KIF27: variants seen among roughly 807,000 people sequenced by gnomAD.
The protein encoded by KIF27 is kinesin family member 27.
KIF27 carries 84 observed loss-of-function variants against 141.8 expected under a neutral mutation model. The observed-to-expected ratio is 0.59, with a 90% confidence interval of 0.50 to 0.71. KIF27 has a LOEUF of 0.71. Ranked by LOEUF, KIF27 falls within the 30% of genes least tolerant of loss-of-function variation. KIF27 has a pLI of 0.00. For missense variants in KIF27, 1,306 were observed against 1,628.4 expected (o/e 0.80, Z 3.41); for synonymous variants, 471 against 569.5 (o/e 0.83, Z 2.46).
chr9:83,916,955 G>A (rs1433510836), intron 1 of KIF27, among the ~76,000 whole-genome samples: 3 of 151,890 alleles, frequency 2.0e-5, no homozygotes, highest in African/African-American at 4.8e-5. Context: ...GAGCCACCGC[G>A]CACGACAGAA....
At chr9:83,909,251 G>C (rs1954894289) in intron 2 of KIF27, among the ~76,000 whole-genome samples, 1 of 152,200 alleles carries the variant, frequency 6.6e-6, no homozygotes, top group Non-Finnish European at 1.5e-5. Context: ...TACCAGCCGA[G>C]AGATGCTTGC....
chr9:83,916,100 C>T lies in KIF27; in HGVS notation c.-87-422G>A, dbSNP rs978647040. ...AGGCTGGAACGCAGTGGTGAGATCTCGGCTCTCTGCAACCTCTGCCTACCA... is the reference window on the plus strand; with the variant it reads ...AGGCTGGAACGCAGTGGTGAGATCTTGGCTCTCTGCAACCTCTGCCTACCA... On this transcript the variant is annotated intron_variant, in intron 1 of 17. Transcript: ENST00000297814. Among the ~76,000 whole-genome samples the T allele has an allele frequency of 4.0e-5, 6 of 149,626 alleles. No individual in the cohort carries two copies. In the South Asian group the frequency reaches 1.1e-3, roughly 27 times the overall value.
In KIF27 at chr9:83,853,737, A is replaced by T; in HGVS notation, c.3249T>A (p.Leu1083=). ...GAGAGAGGTTATGGAATGATGCTCT[A>T]AGTGACTTCTGGCGATTCTGGATAC... The part of the protein sequence containing the change: ...NESIQNRQKS[L]RASFHNLSRG... The change falls in exon 15 of 18, where the codon CTT becomes CTA. Residue 1083 remains leucine, a synonymous_variant. Transcript: ENST00000297814. 3.7e-6 allele frequency: 6 copies of T among 1,613,784 alleles called. No individual in the cohort carries two copies. Among genetic ancestry groups the T allele is most frequent in the South Asian group, 3.3e-5 (3 of 91,064 alleles).
intron 13 of KIF27, among the ~76,000 whole-genome samples, chr9:83,861,465 T>G (rs1173330920): frequency 6.6e-6 from 1 of 152,108 alleles, no homozygotes; most frequent in Non-Finnish European, 1.5e-5. Flanking sequence ...TTGCTGAGAA[T>G]GATGGTTTCC....
At chr9:83,854,135 G>A (rs1948923364) in intron 14 of KIF27, among the ~76,000 whole-genome samples, 1 of 152,134 alleles carries the variant, frequency 6.6e-6, no homozygotes, top group Non-Finnish European at 1.5e-5. Flanking sequence ...AATGTTCCAA[G>A]GTTATACAAC....
At chr9:83,883,704 T>C in intron 10 of KIF27, 109 bp downstream of exon 10, 1 of 685,302 alleles carries the variant, frequency 1.5e-6, no homozygotes, top group Admixed American at 2.8e-5. Flanking sequence ...TGATACCCAG[T>C]TTCTCTTGCT....
chr9:83,914,319 TA>T (rs1365396454), intron 2 of KIF27, among the ~76,000 whole-genome samples: 1 of 152,046 alleles, frequency 6.6e-6, no homozygotes, highest in Admixed American at 6.6e-5. Context: ...TGTGATCTCC[TA>T]ATCCTGCAGA....
rs1325267991 is a variant in KIF27, at chr9:83,920,861, G to C, written c.-88+510C>G. Among the ~76,000 whole-genome samples the C allele has an allele frequency of 6.8e-5, 7 of 102,626 alleles. No homozygotes were observed. The East Asian group carries it at 1.8e-3, about 26-fold the overall frequency. 67.3% of individuals were successfully genotyped at this position (102,626 alleles called of 152,430 possible). Reference sequence around the variant, plus strand: ...AATGCGCCCAAGTTTCAACCTCTACGGTGGGAAATGCGCCCAAGTTTCAAC... The same window carrying C: ...AATGCGCCCAAGTTTCAACCTCTACCGTGGGAAATGCGCCCAAGTTTCAAC... On this transcript the variant is annotated intron_variant, in intron 1 of 17. Coordinates refer to ENST00000297814, the MANE Select transcript of KIF27 (RefSeq NM_017576.4).
intron 2 of KIF27, among the ~76,000 whole-genome samples, chr9:83,912,535 G>A (rs143094638): frequency 0.024 from 3,714 of 152,172 alleles, 151 homozygotes; most frequent in African/African-American, 0.086. Context: ...TAATTGACCA[G>A]AAATAGTTCA....
In KIF27 at chr9:83,908,630, C is replaced by A; in HGVS notation, c.321G>T (p.Lys107Asn). ...GHIASVVEGQKGIIPRAIQEI... is the reference protein window; with the variant it reads ...GHIASVVEGQNGIIPRAIQEI... ...CTTGAATAGCTCGAGGAATGATACC[C>A]TTTTGGCCCTCCACAACTGAAGCTG... is the stretch of plus-strand genomic sequence containing the variant. The change falls in exon 3 of 18, where the codon AAG (lysine) becomes AAT (asparagine). Residue 107 changes from lysine to asparagine, a missense_variant. Around this residue, in one of 4 missense-constraint regions of KIF27, gnomAD observed 533 missense variants for 565.6 expected, o/e 0.94. Coordinates refer to ENST00000297814, the MANE Select transcript of KIF27 (RefSeq NM_017576.4). 1 of 1,605,370 alleles carries A rather than the reference C, an allele frequency of 6.2e-7. No homozygotes were observed. Among genetic ancestry groups the A allele is most frequent in the Non-Finnish European group, 8.5e-7 (1 of 1,175,640 alleles).
intron 2 of KIF27, among the ~76,000 whole-genome samples, chr9:83,912,797 C>T (rs1955301127): frequency 6.6e-6 from 1 of 151,968 alleles, no homozygotes; most frequent in Non-Finnish European, 1.5e-5. Flanking sequence ...AAAGGCTATA[C>T]CTTGTAAAGG....
Position 83,837,279 on chromosome 9 carries a change from C to G in KIF27, c.3928G>C (p.Ala1310Pro). The stretch of plus-strand genomic sequence containing the variant: ...CCTAACATATGCCCACTGGGGGGTG[C>G]TAAAGAACTATGAATTGGAGGTAAT... ...PELPPIHSSL[A>P]PPSGHMLGNE... The change falls in exon 18 of 18, where the codon GCA becomes CCA. Residue 1310 changes from alanine (A) to proline (P), a missense_variant. Coordinates refer to ENST00000297814, the MANE Select transcript of KIF27 (RefSeq NM_017576.4). 1 of 1,607,460 alleles carries G rather than the reference C, an allele frequency of 6.2e-7. No homozygotes were observed. Among genetic ancestry groups the G allele is most frequent in the South Asian group, 1.1e-5 (1 of 90,316 alleles).
intron 11 of KIF27, among the ~76,000 whole-genome samples, chr9:83,873,253 T>G: frequency 6.6e-6 from 1 of 152,088 alleles, no homozygotes. Context: ...GGGAGCACAA[T>G]TTCCAGCTGG....
At chr9:83,858,231 T>C (rs1056991393) in intron 14 of KIF27, 3 of 152,224 alleles carry the variant, frequency 2.0e-5, no homozygotes, top group Non-Finnish European at 4.4e-5. Context: ...CAATCAAGGA[T>C]TGATTTGTAA....
chr9:83,840,288 C>T (rs1205723263), intron 17 of KIF27, among the ~76,000 whole-genome samples: 2,601 of 151,248 alleles, frequency 0.017, 99 homozygotes, highest in African/African-American at 0.06. Flanking sequence ...ATTTTTATAG[C>T]CAAAAATAGA....
intron 13 of KIF27, among the ~76,000 whole-genome samples, chr9:83,861,951 G>A (rs1383968633): frequency 2.6e-5 from 4 of 152,150 alleles, no homozygotes; most frequent in African/African-American, 9.7e-5. Context: ...ATTTTTTCAT[G>A]TGTCTGTTGG....
chr9:83,874,812 C>G lies in KIF27; in HGVS notation c.2644-4180G>C, dbSNP rs144068362. ...TGTGAGGTACGCTGGCATGTGCCTG[C>G]AGTCCTAGCTACTTGGGAGGCTGAG... On this transcript the variant is annotated intron_variant, in intron 11 of 17. Transcript: ENST00000297814. Among the ~76,000 whole-genome samples the G allele has an allele frequency of 3.2e-3, 481 of 148,968 alleles. 7 individuals carry two copies. The highest frequency in any genetic ancestry group is 0.027 in the East Asian group (138 of 5,134).
chr9:83,868,667 A>C (rs1251305133), intron 12 of KIF27: 4 of 152,150 alleles, frequency 2.6e-5, no homozygotes, highest in Non-Finnish European at 4.4e-5. Context: ...ACAACAAATA[A>C]ATAGGAAAAG....
rs1948847036 is a variant in KIF27 at position 83,853,554 on chromosome 9, AT to A, written c.3357+74del. The A allele has an allele frequency of 4.7e-5, 47 of 1,002,510 alleles. 3 individuals are homozygous for A. In the South Asian group the frequency reaches 6.8e-4, roughly 15 times the overall value. The allele number at this position is 1,002,510 out of a possible 1,614,324, so 62.1% of individuals were successfully genotyped here. On this transcript the variant is annotated intron_variant, in intron 15 of 17. Transcript: ENST00000297814. ...TTTAAGCCTTTCAATTTCTTTAAAA[AT>A]TCAAAATAAATATAGGATGTAAGCA...
Sources: allele counts gnomAD v4.1 joint callset (sites outside exome capture counted in the v4.1 genomes callset), GRCh38; gene constraint gnomAD v4.1.1; regional missense constraint gnomAD v4.1.1; transcripts MANE v1.5; gene names NCBI Gene and HGNC (gene_info 2026-07-23, HGNC 2026-07-21).